CELF2: variants seen among roughly 807,000 people sequenced by gnomAD.
CELF2 encodes the protein CUGBP Elav-like family member 2, also known as CUG triplet repeat RNA-binding protein 2.
CELF2 carries 8 observed loss-of-function variants against 62.6 expected under a neutral mutation model. The observed-to-expected ratio is 0.13, with a 90% CI of 0.07 to 0.23. The LOEUF (loss-of-function observed/expected upper bound fraction) is 0.23, where lower values mean the gene tolerates loss of function less well. CELF2 is among the 10% of genes least tolerant of loss of function. The probability of loss-of-function intolerance (pLI) is 1.00; values close to 1 mark genes in which losing one functional copy is unlikely to be tolerated. For missense variants in CELF2, 333 were observed against 671.0 expected (o/e 0.50, Z 5.56); for synonymous variants, 258 against 250.0 (o/e 1.03, Z -0.30).
At chr10:11,122,769 A>G (rs1230084426) in intron 1 of CELF2, among the ~76,000 whole-genome samples, 3 of 152,188 alleles carry the variant, frequency 2.0e-5, no homozygotes, top group Non-Finnish European at 2.9e-5. Context: ...GCCAAGCTCA[A>G]TTTTTCTCAT....
chr10:11,095,625 C>G (rs1330676158), intron 1 of CELF2, among the ~76,000 whole-genome samples: 1 of 152,156 alleles, frequency 6.6e-6, no homozygotes, highest in Non-Finnish European at 1.5e-5. Context: ...GAAACAGCAT[C>G]TCAGCTTGGG....
At chr10:10,652,077 A>C in the CELF2 span, among the ~76,000 whole-genome samples, 3 of 144,682 alleles carry the variant, frequency 2.1e-5, no homozygotes, top group African/African-American at 7.7e-5. Context: ...TGAAGAATGC[A>C]GAAGCCTCAG....
chr10:11,289,559 C>T (rs1224126333), intron 9 of CELF2, among the ~76,000 whole-genome samples: 1 of 152,160 alleles, frequency 6.6e-6, no homozygotes, highest in Non-Finnish European at 1.5e-5. Flanking sequence ...GACATTTCAC[C>T]TGGGGGATTG....
intron 2 of CELF2, among the ~76,000 whole-genome samples, chr10:11,188,634 T>C (rs1263723189): frequency 6.6e-6 from 1 of 152,210 alleles, no homozygotes; most frequent in African/African-American, 2.4e-5. Context: ...GTATTTCTTG[T>C]ACTTGGAGTT....
the CELF2 span, among the ~76,000 whole-genome samples, chr10:10,479,163 A>C: frequency 6.6e-6 from 1 of 152,014 alleles, no homozygotes; most frequent in African/African-American, 2.4e-5. Flanking sequence ...GGTTCATCTA[A>C]ACTAATTTTT....
chr10:10,567,723 G>A, the CELF2 span, among the ~76,000 whole-genome samples: 30 of 152,206 alleles, frequency 2.0e-4, no homozygotes, highest in African/African-American at 6.3e-4. Flanking sequence ...CTGGATGAAG[G>A]CCTCCCCAGG....
intron 1 of CELF2, among the ~76,000 whole-genome samples, chr10:10,910,367 T>A (rs2063702805): frequency 6.6e-6 from 1 of 152,128 alleles, no homozygotes. Context: ...TCTGTTGGTT[T>A]GTTTTGGAGA....
intron 1 of CELF2, among the ~76,000 whole-genome samples, chr10:10,815,951 C>T (rs1271251339): frequency 4.4e-5 from 5 of 114,934 alleles, no homozygotes; most frequent in South Asian, 2.9e-4. Context: ...CCCTTTTGAT[C>T]ATCGTTTCTT....
chr10:10,784,712 G>A, the CELF2 span: 10 of 152,336 alleles, frequency 6.6e-5, no homozygotes, highest in African/African-American at 2.2e-4. Flanking sequence ...TACAGGATAG[G>A]GAGGTGTGAT....
chr10:10,703,917 A>G, the CELF2 span, among the ~76,000 whole-genome samples: 1 of 152,226 alleles, frequency 6.6e-6, no homozygotes, highest in Non-Finnish European at 1.5e-5. Flanking sequence ...TAACTTATAC[A>G]CGATCTCTTC....
chr10:10,864,697 A>G (rs745691118), intron 1 of CELF2, among the ~76,000 whole-genome samples: 2 of 151,832 alleles, frequency 1.3e-5, no homozygotes, highest in East Asian at 1.9e-4. Flanking sequence ...AAACCTAATC[A>G]CCTCTCAAAG....
chr10:10,905,525 C>T (rs957046847), intron 1 of CELF2, among the ~76,000 whole-genome samples: 1 of 150,320 alleles, frequency 6.7e-6, no homozygotes, highest in Non-Finnish European at 1.5e-5. Context: ...AGGAGGTTCA[C>T]TTGAGGCCAG....
intron 1 of CELF2, among the ~76,000 whole-genome samples, chr10:11,124,171 TG>T (rs1447887945): frequency 6.6e-6 from 1 of 152,140 alleles, no homozygotes; most frequent in African/African-American, 2.4e-5. Flanking sequence ...CCTTGACACA[TG>T]GGGATCATTA....
chr10:10,631,303 A>G, the CELF2 span, among the ~76,000 whole-genome samples: 1 of 152,212 alleles, frequency 6.6e-6, no homozygotes, highest in Non-Finnish European at 1.5e-5. Context: ...ATGCACATGT[A>G]TTTGGAAATT....
At chr10:11,004,622 G>T (rs1239588773), upstream of CELF2, among the ~76,000 whole-genome samples, 1 of 152,102 alleles carries the variant, frequency 6.6e-6, no homozygotes, top group Non-Finnish European at 1.5e-5. The surrounding 1 kb of genome is among the most constrained non-coding windows in gnomAD (Gnocchi z 5.0). Context: ...TGTCGATGAG[G>T]ACTCCAGTGC....
At chr10:10,628,566 T>G in the CELF2 span, among the ~76,000 whole-genome samples, 1 of 152,212 alleles carries the variant, frequency 6.6e-6, no homozygotes, top group Non-Finnish European at 1.5e-5. Flanking sequence ...TATACTTATG[T>G]GTCTGACTAT....
At chr10:10,809,446 C>T (rs1331772665) in intron 1 of CELF2, among the ~76,000 whole-genome samples, 1 of 152,218 alleles carries the variant, frequency 6.6e-6, no homozygotes. Context: ...TGACTTTCTG[C>T]ATCCATTCGG....
chr10:11,290,767 T>C lies in CELF2; in HGVS notation c.976+2215T>C, dbSNP rs951973716. On this transcript the variant is annotated intron_variant, in intron 9 of 12. Coordinates refer to ENST00000633077, the MANE Select transcript of CELF2 (RefSeq NM_001326342.2). This position sits in a 1 kb window ranked among gnomAD's most constrained non-coding sequence, Gnocchi z 4.3. ...CTTCAGAACACGCCGCTCGCTTAGG[T>C]GTCACTGAGAGCGATTTTTCTCTTC... is the stretch of plus-strand genomic sequence containing the variant. Among the ~76,000 whole-genome samples the C allele has an allele frequency of 2.0e-5, 3 of 152,156 alleles. No individual in the cohort carries two copies. The highest frequency in any genetic ancestry group is 7.2e-5 in the African/African-American group (3 of 41,428).
chr10:10,955,637 C>T (rs1355161460), intron 2 of CELF2, among the ~76,000 whole-genome samples: 4 of 152,176 alleles, frequency 2.6e-5, no homozygotes, highest in Non-Finnish European at 4.4e-5. Context: ...TTGAATACTG[C>T]GCCCAGGTCA....
Sources: allele counts gnomAD v4.1 joint callset (sites outside exome capture counted in the v4.1 genomes callset), GRCh38; gene constraint gnomAD v4.1.1; non-coding constraint Gnocchi (gnomAD v3.1); transcripts MANE v1.5; gene names NCBI Gene and HGNC (gene_info 2026-07-23, HGNC 2026-07-21).